The following ASB14 variants were observed in gnomAD, a reference collection of about 807,000 sequenced individuals.
ASB14 encodes the protein ankyrin repeat and SOCS box containing 14, also known as ankyrin repeat and SOCS box protein 14.
ASB14 carries 63 observed loss-of-function variants against 55.6 expected under a neutral mutation model. The ratio of observed to expected loss-of-function variants is 1.13; its 90% CI spans 0.92 to 1.40. ASB14 has a LOEUF of 1.40. Ranked by LOEUF, ASB14 falls within the 40% of genes most tolerant of loss-of-function variation. The pLI is 0.00. For missense variants in ASB14, 724 were observed against 710.4 expected (o/e 1.02, Z -0.22); for synonymous variants, 256 against 259.9 (o/e 0.98, Z 0.15).
intron 10 of ASB14, chr3:57,272,847 C>T (rs558379620): frequency 3.3e-5 from 5 of 152,250 alleles, no homozygotes; most frequent in Non-Finnish European, 7.3e-5. Flanking sequence ...GATCCGCCCG[C>T]CTCGGCCTCC....
chr3:57,280,184 A>AAAT (rs1372271653), intron 7 of ASB14, 118 bp downstream of exon 7: 1 of 685,096 alleles, frequency 1.5e-6, no homozygotes, highest in Admixed American at 3.6e-5. Flanking sequence ...AAAAAAAAAA[A>AAAT]AAGTATGTTT....
chr3:57,280,535 C>CTT (rs1162828573), intron 6 of ASB14, 62 bp from the exon 7 acceptor site: 8 of 1,439,962 alleles, frequency 5.6e-6, no homozygotes, highest in Non-Finnish European at 7.5e-6. Flanking sequence ...CTTGAGCAAT[C>CTT]TTAAAAATAT....
Position 57,283,366 on chromosome 3 carries a change from G to A in ASB14, c.543C>T (p.Ala181=). 1.3e-6 allele frequency: 2 copies of A among 1,551,634 alleles called. No homozygotes were observed. The highest frequency in any genetic ancestry group is 1.7e-4 in the Middle Eastern group (1 of 5,992). Residue 181 remains alanine (A), a synonymous_variant, in exon 6 of 11, where the codon GCC becomes GCT. Transcript: ENST00000487349. ...NYGADVNLRC[A]NERTALHEAA... Reference sequence around the variant, plus strand: ...CTTCGTGGAGAGCTGTCCTCTCGTTGGCACAACGCAGATTGACATCTGCTC... The same window carrying A: ...CTTCGTGGAGAGCTGTCCTCTCGTTAGCACAACGCAGATTGACATCTGCTC...
At chr3:57,279,496 T>A (rs1269213520) in intron 7 of ASB14, among the ~76,000 whole-genome samples, 1 of 151,968 alleles carries the variant, frequency 6.6e-6, no homozygotes, top group South Asian at 2.1e-4. Flanking sequence ...GTTAAGAGAT[T>A]GAGACCATCC....
rs997163021 is a variant in ASB14, at chr3:57,288,034, T to G, written c.336A>C (p.Gln112His). The G allele has an allele frequency of 6.5e-7, 1 of 1,537,398 alleles. No homozygotes were observed. The highest frequency in any genetic ancestry group is 1.4e-5 in the African/African-American group (1 of 73,188). ...GTGGCGTTTCACCATTGTGAGTGGT[T>G]TGCTCCCACAGACTGGGGTCTGAAG... is the stretch of plus-strand genomic sequence containing the variant. Reference protein sequence around the residue: ...LSASDPSLWEQTTHNGETPLF... With the variant: ...LSASDPSLWEHTTHNGETPLF... Residue 112 changes from glutamine to histidine, a missense_variant, in exon 5 of 11, where the codon CAA (glutamine) becomes CAC (histidine). Gln to His is a conservative substitution (Grantham distance 24). Coordinates refer to ENST00000487349, the MANE Select transcript of ASB14 (RefSeq NM_001142733.3).
At position 57,278,891 on chromosome 3, in the gene ASB14, T is replaced by C; in HGVS notation, c.917A>G (p.Asp306Gly). The change falls in exon 8 of 11, where the codon GAT becomes GGT. Residue 306 changes from aspartate to glycine, a missense_variant. Physicochemically the swap from Asp to Gly is moderately conservative, Grantham distance 94. Coordinates refer to ENST00000487349, the MANE Select transcript of ASB14 (RefSeq NM_001142733.3). Reference sequence around the variant, plus strand: ...CCCACTCTGCTTAATGGCAGCAAGATCCGTAACTGGAATCAGTATCTTTAG... The same window carrying C: ...CCCACTCTGCTTAATGGCAGCAAGACCCGTAACTGGAATCAGTATCTTTAG... The part of the protein sequence containing the change: ...LALKILIPVT[D>G]LAAIKQSGIS... 6.2e-7 allele frequency: 1 copy of C among 1,613,548 alleles called. No homozygotes were observed.
At position 57,278,936 on chromosome 3, in the gene ASB14, A is replaced by G. The variant is rs1245280008; in HGVS notation, c.888-16T>C. On this transcript the variant is annotated splice_polypyrimidine_tract_variant and intron_variant, in intron 7 of 10. Coordinates refer to ENST00000487349, the MANE Select transcript of ASB14 (RefSeq NM_001142733.3). Reference sequence around the variant, plus strand: ...CTTTAGAGCTCTGAGAAAGAATTTCAAAATGCATTTCAACATTGTTTTTAA... The same window carrying G: ...CTTTAGAGCTCTGAGAAAGAATTTCGAAATGCATTTCAACATTGTTTTTAA... 2 of 1,603,884 alleles carry G rather than the reference A, an allele frequency of 1.2e-6. No individual in the cohort carries two copies. Among genetic ancestry groups the G allele is most frequent in the Non-Finnish European group, 1.7e-6 (2 of 1,172,874 alleles).
intron 6 of ASB14, 35 bp downstream of exon 6, chr3:57,283,159 C>A: frequency 6.5e-7 from 1 of 1,550,006 alleles, no homozygotes; most frequent in Non-Finnish European, 8.7e-7. Flanking sequence ...TCATGTTACC[C>A]TTTGTTAGTG....
chr3:57,279,842 G>T (rs1229138190), intron 7 of ASB14, among the ~76,000 whole-genome samples: 5 of 152,182 alleles, frequency 3.3e-5, no homozygotes, highest in African/African-American at 1.2e-4. Flanking sequence ...AATTGATCTA[G>T]ATAAGTTAGT....
chr3:57,269,653 GAGA>G (rs1480207964), intron 10 of ASB14, 35 bp from the exon 11 acceptor site: 24 of 1,613,842 alleles, frequency 1.5e-5, no homozygotes, highest in Non-Finnish European at 2.0e-5. Flanking sequence ...AGTGATTTGG[GAGA>G]AGGAGGAAAG....
intron 9 of ASB14, 119 bp downstream of exon 9, chr3:57,277,648 T>C (rs2061000555): frequency 5.7e-6 from 5 of 872,978 alleles, no homozygotes; most frequent in Non-Finnish European, 8.8e-6. Context: ...AGGAATAGTA[T>C]TTTTCTGGTT....
intron 9 of ASB14, among the ~76,000 whole-genome samples, chr3:57,276,982 G>A (rs1274234293): frequency 6.6e-6 from 1 of 152,100 alleles, no homozygotes; most frequent in Non-Finnish European, 1.5e-5. Flanking sequence ...AAATCTGCAT[G>A]TGGCCAGGCG....
chr3:57,285,681 A>G lies in ASB14; in HGVS notation c.469+2220T>C, dbSNP rs182371996. Among the ~76,000 whole-genome samples, 34 of 151,970 alleles carry G rather than the reference A, an allele frequency of 2.2e-4. No individual in the cohort carries two copies. In the East Asian group the frequency reaches 4.6e-3, roughly 21 times the overall value. ...TTATGTTTCATTTGCTTAGTTTCCAATTTATCATTAATTCCACCCCAAACT... is the reference window on the plus strand; with the variant it reads ...TTATGTTTCATTTGCTTAGTTTCCAGTTTATCATTAATTCCACCCCAAACT... On this transcript the variant is annotated intron_variant, in intron 5 of 10. Transcript: ENST00000487349.
At chr3:57,283,041 C>A in intron 6 of ASB14, 153 bp downstream of exon 6, 6 of 1,111,932 alleles carry the variant, frequency 5.4e-6, no homozygotes, top group Non-Finnish European at 7.5e-6. Flanking sequence ...TTATGTTAGG[C>A]TTCTCAGTAA....
chr3:57,269,661 G>A (rs1431007825), intron 10 of ASB14, 43 bp from the exon 11 acceptor site: 1 of 1,613,912 alleles, frequency 6.2e-7, no homozygotes, highest in East Asian at 2.2e-5. Context: ...GGGAGAAGGA[G>A]GAAAGAAGAG....
chr3:57,279,116 G>A (rs113273394), intron 7 of ASB14, among the ~76,000 whole-genome samples, 196 bp from the exon 8 acceptor site: 4 of 151,628 alleles, frequency 2.6e-5, no homozygotes, highest in African/African-American at 9.7e-5. Flanking sequence ...TACCGTCTAA[G>A]CTATAAAATT....
chr3:57,276,798 CA>C, intron 9 of ASB14, 70 bp from the exon 10 acceptor site: 1 of 1,411,730 alleles, frequency 7.1e-7, no homozygotes, highest in Non-Finnish European at 9.7e-7. Flanking sequence ...GTTTTGTTAG[CA>C]AACGTATTTG....
chr3:57,276,609 A>G lies in ASB14; in HGVS notation c.1705T>C (p.Tyr569His), dbSNP rs370017118. 1.2e-6 allele frequency: 2 copies of G among 1,613,920 alleles called. No homozygotes were observed. The highest frequency in any genetic ancestry group is 1.7e-6 in the Non-Finnish European group (2 of 1,179,794). The stretch of plus-strand genomic sequence containing the variant: ...AGGTCGTATTCTTTGTAAAGGACAT[A>G]TGCTTTTAGACGATTGGGTAATGGA... ...FLPLPNRLKAYVLYKEYDLYG... is the reference protein window; with the variant it reads ...FLPLPNRLKAHVLYKEYDLYG... The change falls in exon 10 of 11, where the codon TAT becomes CAT. Residue 569 changes from tyrosine to histidine, a missense_variant. Transcript: ENST00000487349.
In ASB14 at chr3:57,278,597, A is replaced by C. The variant is rs1223319167; in HGVS notation, c.1211T>G (p.Leu404Arg). ...GACATTGGCCCCATGCCTTAGCAGC[A>C]GACTGATCAGCTCATAGTTGCCCAT... The part of the protein sequence containing the change: ...LRMGNYELIS[L>R]LLRHGANVNY... The change falls in exon 8 of 11, where the codon CTG becomes CGG. Residue 404 changes from leucine to arginine, a missense_variant. Transcript: ENST00000487349. 6.2e-7 allele frequency: 1 copy of C among 1,614,240 alleles called. No individual in the cohort carries two copies. Among genetic ancestry groups the C allele is most frequent in the Admixed American group, 1.7e-5 (1 of 60,022 alleles).
Sources: gnomAD v4.1 joint callset for allele counts (sites outside exome capture counted in the v4.1 genomes callset) on GRCh38, gnomAD v4.1.1 for gene constraint, MANE v1.5 for transcripts, NCBI Gene and HGNC (gene_info 2026-07-23, HGNC 2026-07-21) for gene names.